RYR2: variants seen among roughly 807,000 people sequenced by gnomAD.
The protein encoded by RYR2 is ryanodine receptor 2.
RYR2 carries 227 observed loss-of-function variants against 601.1 expected under a neutral mutation model. That is an observed-to-expected ratio of 0.38 (90% CI 0.34 to 0.42). RYR2 has a LOEUF of 0.42. RYR2 is among the 10% of genes least tolerant of loss of function. RYR2 has a pLI of 1.00. For synonymous variants in RYR2, 2,223 were observed against 2,175.1 expected, an observed-to-expected ratio of 1.02 and a Z score of -0.61; for missense variants, 4,646 against 6,156.5, an observed-to-expected ratio of 0.75 and a Z score of 8.21.
chr1:237,534,273 A>G (rs185531207), intron 25 of RYR2, among the ~76,000 whole-genome samples: 4 of 152,202 alleles, frequency 2.6e-5, no homozygotes, highest in South Asian at 2.1e-4. Flanking sequence ...GCATCATGCT[A>G]TAACTACTCA....
Position 237,636,654 on chromosome 1 carries a change from T to C in RYR2, c.6792+1662T>C, listed in dbSNP as rs1680904784. 3.9e-5 allele frequency among the ~76,000 whole-genome samples: 6 copies of C among 152,308 alleles called. No individual in the cohort carries two copies. The South Asian group carries it at 1.2e-3, about 32-fold the overall frequency. On this transcript the variant is annotated intron_variant, in intron 44 of 104. Coordinates refer to ENST00000366574, the MANE Select transcript of RYR2 (RefSeq NM_001035.3). ...TTAAACATACACCTACCATAAACTA[T>C]ATGCCTAGCCTTTCCACTGCTAACA...
chr1:237,312,787 C>T (rs1261181980), intron 2 of RYR2, among the ~76,000 whole-genome samples: 1 of 151,950 alleles, frequency 6.6e-6, no homozygotes, highest in East Asian at 1.9e-4. Context: ...ACTTAGTGAC[C>T]ATAGGGAAAA....
chr1:237,666,486 A>G, intron 56 of RYR2, 26 bp from the exon 57 acceptor site: 1 of 1,597,106 alleles, frequency 6.3e-7, no homozygotes, highest in Middle Eastern at 1.7e-4. Flanking sequence ...TTAATGAGGC[A>G]CTGTTTTTTC....
At chr1:237,166,574 T>C (rs1676738220) in intron 1 of RYR2, among the ~76,000 whole-genome samples, 3 of 152,196 alleles carry the variant, frequency 2.0e-5, no homozygotes, top group Non-Finnish European at 2.9e-5. Flanking sequence ...ATAACAAAGT[T>C]AGTCATTGAA....
At chr1:237,607,727 C>A (rs984791429) in intron 35 of RYR2, among the ~76,000 whole-genome samples, 1 of 152,058 alleles carries the variant, frequency 6.6e-6, no homozygotes, top group Non-Finnish European at 1.5e-5. Context: ...AAGAGCTTTT[C>A]GAAATTCAGG....
chr1:237,134,504 C>G (rs1409385334), intron 1 of RYR2, among the ~76,000 whole-genome samples: 1 of 152,104 alleles, frequency 6.6e-6, no homozygotes, highest in African/African-American at 2.4e-5. Flanking sequence ...TCTCATGAAA[C>G]TTATTCACTA....
At position 237,786,572 on chromosome 1, in the gene RYR2, G is replaced by C. The variant is rs372195069; in HGVS notation, c.13328+536G>C. Among the ~76,000 whole-genome samples, 88 of 152,288 alleles carry C rather than the reference G, an allele frequency of 5.8e-4. 2 individuals are homozygous for C. In the South Asian group the frequency reaches 0.017, roughly 30 times the overall value. Reference sequence around the variant, plus strand: ...CCTCAGCAGGTCTGGTGTGGGGCCTGGGAGCCTTCATTTTCACCAACACTC... The same window carrying C: ...CCTCAGCAGGTCTGGTGTGGGGCCTCGGAGCCTTCATTTTCACCAACACTC... On this transcript the variant is annotated intron_variant, in intron 91 of 104. Coordinates refer to ENST00000366574, the MANE Select transcript of RYR2 (RefSeq NM_001035.3).
At chr1:237,116,690 A>C (rs1262353293) in intron 1 of RYR2, among the ~76,000 whole-genome samples, 3 of 152,118 alleles carry the variant, frequency 2.0e-5, no homozygotes, top group African/African-American at 7.2e-5. Context: ...ATTCAGTTGG[A>C]GTCTGAAGAG....
intron 2 of RYR2, among the ~76,000 whole-genome samples, chr1:237,286,817 T>C (rs1691627834): frequency 6.6e-6 from 1 of 152,018 alleles, no homozygotes; most frequent in Non-Finnish European, 1.5e-5. Flanking sequence ...AGTATTGAAA[T>C]GTGAGGTACC....
intron 10 of RYR2, among the ~76,000 whole-genome samples, chr1:237,396,670 G>T (rs1319789843): frequency 6.6e-6 from 1 of 152,126 alleles, no homozygotes; most frequent in Non-Finnish European, 1.5e-5. Flanking sequence ...TAAGGCATTT[G>T]TTATGCTTAA....
rs1324984457 is a variant in RYR2 at position 237,666,608 on chromosome 1, T to TAA, written c.8514+23_8514+24dup. On this transcript the variant is annotated intron_variant, in intron 57 of 104. Transcript: ENST00000366574. ...CCTGCATGTAAGTACTATTAACTTT[T>TAA]AAAAATAGTCTCCAAATTTAATTTT... 2 of 1,577,084 alleles carry TAA rather than the reference T, an allele frequency of 1.3e-6. No individual in the cohort carries two copies. The highest frequency in any genetic ancestry group is 3.5e-5 in the Admixed American group (2 of 57,950).
intron 23 of RYR2, among the ~76,000 whole-genome samples, chr1:237,507,315 T>G (rs1161193596): frequency 1.3e-5 from 2 of 152,230 alleles, no homozygotes; most frequent in Non-Finnish European, 2.9e-5. Flanking sequence ...TTGCACATGC[T>G]TCTAAATGAT....
intron 17 of RYR2, among the ~76,000 whole-genome samples, chr1:237,485,776 C>T (rs924818400): frequency 7.9e-5 from 12 of 152,144 alleles, no homozygotes; most frequent in African/African-American, 2.4e-4. Context: ...TGGGAGGAAG[C>T]GGCAGGAATT....
chr1:237,543,892 A>C (rs1669545483), intron 25 of RYR2, among the ~76,000 whole-genome samples: 1 of 152,200 alleles, frequency 6.6e-6, no homozygotes, highest in Non-Finnish European at 1.5e-5. Flanking sequence ...GCTGCAACTT[A>C]ACATGAAAAT....
chr1:237,407,876 A>T (rs1479773480), intron 10 of RYR2, among the ~76,000 whole-genome samples: 1 of 152,030 alleles, frequency 6.6e-6, no homozygotes, highest in Non-Finnish European at 1.5e-5. Flanking sequence ...TCGGCCTCCC[A>T]AAGTGCTGGG....
At chr1:237,252,220 T>C (rs900216743) in intron 1 of RYR2, among the ~76,000 whole-genome samples, 2 of 152,020 alleles carry the variant, frequency 1.3e-5, no homozygotes, top group Non-Finnish European at 2.9e-5. Context: ...CTACCCTGCC[T>C]GGTCTCTGCA....
intron 91 of RYR2, among the ~76,000 whole-genome samples, chr1:237,787,693 T>A (rs1203042773): frequency 1.3e-5 from 2 of 152,104 alleles, no homozygotes; most frequent in South Asian, 4.1e-4. Context: ...TTCATTTTTT[T>A]AATGTTTCAT....
Position 237,617,314 on chromosome 1 carries a change from A to G in RYR2, c.5744A>G (p.Asp1915Gly). ...QMCLLLQYLC[D>G]CQVRHRIEAI... is the part of the protein sequence containing the mutation. ...TGCCTACTGCTTCAGTACCTCTGTG[A>G]CTGCCAGGTCCGGCACCGGATAGAA... Residue 1915 changes from aspartate (D) to glycine (G), a missense_variant, in exon 38 of 105, where the codon GAC (aspartate) becomes GGC (glycine). This residue lies in a region of RYR2 where 1,807 missense variants were observed against 2,088.1 expected (regional missense o/e 0.87). Coordinates refer to ENST00000366574, the MANE Select transcript of RYR2 (RefSeq NM_001035.3). 6.2e-7 allele frequency: 1 copy of G among 1,613,506 alleles called. No homozygotes were observed. Among genetic ancestry groups the G allele is most frequent in the Non-Finnish European group, 8.5e-7 (1 of 1,179,658 alleles).
intron 1 of RYR2, among the ~76,000 whole-genome samples, chr1:237,202,944 C>A (rs1681367484): frequency 6.6e-6 from 1 of 152,150 alleles, no homozygotes; most frequent in South Asian, 2.1e-4. Flanking sequence ...AAACAACTTT[C>A]TAAAGTAACA....
Sources: allele counts gnomAD v4.1 joint callset (sites outside exome capture counted in the v4.1 genomes callset), GRCh38; gene constraint gnomAD v4.1.1; regional missense constraint gnomAD v4.1.1; transcripts MANE v1.5; gene names NCBI Gene and HGNC (gene_info 2026-07-23, HGNC 2026-07-21).